The following ITPKA variants were observed in gnomAD, a reference collection of about 807,000 sequenced individuals.
ITPKA encodes the protein inositol-trisphosphate 3-kinase A, also known as IP3 3-kinase A.
A neutral mutation model predicts 40.7 loss-of-function variants in ITPKA; 16 were observed. The ratio of observed to expected loss-of-function variants is 0.39; its 90% confidence interval spans 0.27 to 0.60. The LOEUF is 0.60. Ranked by LOEUF, ITPKA falls within the 20% of genes least tolerant of loss-of-function variation. The probability of loss-of-function intolerance (pLI) is 0.50; values close to 1 mark genes in which losing one functional copy is unlikely to be tolerated. For synonymous variants in ITPKA, 313 were observed against 289.9 expected (o/e 1.08, Z -0.81); for missense variants, 540 against 649.3 (o/e 0.83, Z 1.83).
chr15:41,501,690 G>A lies in ITPKA; in HGVS notation c.642G>A (p.Pro214=). 1 of 1,610,062 alleles carries A rather than the reference G, an allele frequency of 6.2e-7. No homozygotes were observed. Residue 214 remains proline, a synonymous_variant, in exon 3 of 7, where the codon CCG becomes CCA. Coordinates refer to ENST00000260386, the MANE Select transcript of ITPKA (RefSeq NM_002220.3). ...SGLILKRCSE[P]ERYCLARLMA... ...TGATCCTGAAGCGCTGCTCGGAGCC[G>A]GAGCGCTACTGCCTGGCGCGGCTGA...
Position 41,493,932 on chromosome 15 carries a change from C to A in ITPKA, c.5C>A (p.Thr2Asn). Residue 2 changes from threonine (T) to asparagine (N), a missense_variant, in exon 1 of 7, where the codon ACC becomes AAC. Thr to Asn is a moderately conservative substitution (Grantham distance 65, BLOSUM62 0). Coordinates refer to ENST00000260386, the MANE Select transcript of ITPKA (RefSeq NM_002220.3). M[T>N]LPGGPTGMAR... ...CGGCGGCGCCGGCACTGGGAAATGA[C>A]CCTGCCCGGGGGCCCAACGGGCATG... 2 of 1,021,922 alleles carry A rather than the reference C, an allele frequency of 2.0e-6. No homozygotes were observed. Among genetic ancestry groups the A allele is most frequent in the Non-Finnish European group, 2.3e-6 (2 of 854,672 alleles). 63.3% of individuals were successfully genotyped at this position (1,021,922 alleles called of 1,614,324 possible). A position where few individuals can be genotyped will look rare whatever the true frequency, so the allele number is the denominator to read the frequency against.
chr15:41,502,808 G>A lies in ITPKA; in HGVS notation c.1131G>A (p.Leu377=), dbSNP rs781749521. The change falls in exon 6 of 7, where the codon CTG becomes CTA. Residue 377 remains leucine (L), a synonymous_variant. Coordinates refer to ENST00000260386, the MANE Select transcript of ITPKA (RefSeq NM_002220.3). ...EEVLRRYLNR[L]QQIRDTLEVS... ...TGCAGAGGCGGTATCTGAACCGCCTGCAGCAGATCCGGGACACCCTGGAGG... is the reference window on the plus strand; with the variant it reads ...TGCAGAGGCGGTATCTGAACCGCCTACAGCAGATCCGGGACACCCTGGAGG... 1.2e-6 allele frequency: 2 copies of A among 1,611,882 alleles called. No homozygotes were observed. The highest frequency in any genetic ancestry group is 8.5e-7 in the Non-Finnish European group (1 of 1,178,988).
chr15:41,494,607 G>C lies in ITPKA; in HGVS notation c.489+191G>C, dbSNP rs2051057112. Among the ~76,000 whole-genome samples the C allele has an allele frequency of 6.6e-6, 1 of 152,182 alleles. No homozygotes were observed. Among genetic ancestry groups the C allele is most frequent in the South Asian group, 2.1e-4 (1 of 4,834 alleles). ...TCTCGCCTGGGCAACTTTCACCTCG[G>C]CTCCGCCGGCGGGTCGTGGCGCTGG... On this transcript the variant is annotated intron_variant, in intron 1 of 6. Transcript: ENST00000260386. This position sits in a 1 kb window ranked among gnomAD's most constrained non-coding sequence, Gnocchi z 7.8.
chr15:41,501,540 G>T lies in ITPKA; in HGVS notation c.567G>T (p.Val189=), dbSNP rs1441549283. 5.6e-6 allele frequency: 9 copies of T among 1,604,938 alleles called. No individual in the cohort carries two copies. Among genetic ancestry groups the T allele is most frequent in the African/African-American group, 1.3e-5 (1 of 74,120 alleles). Residue 189 remains valine (V), a synonymous_variant, in exon 2 of 7, where the codon GTG becomes GTT. Transcript: ENST00000260386. ...ISPFKKRYAW[V]QLAGHTGSFK... ...CTTTCAAGAAGCGCTACGCCTGGGT[G>T]CAGCTGGCAGGGCACACTGGTGAGC...
chr15:41,496,841 T>TTTTAAAGAG (rs2051075959), intron 1 of ITPKA, among the ~76,000 whole-genome samples: 6 of 152,212 alleles, frequency 3.9e-5, no homozygotes, highest in Admixed American at 3.9e-4. Flanking sequence ...AAATTTAAAC[T>TTTTAAAGAG]GATTGCTCTT....
In ITPKA at chr15:41,502,436, C is replaced by A; in HGVS notation, c.1043C>A (p.Thr348Asn). ...ADGSCSTDFK[T>N]TRSREQVLRV... ...GGCTCCTGCAGCACCGACTTCAAGA[C>A]TACGCGAAGCCGAGAGCAGGTGCTT... is the stretch of plus-strand genomic sequence containing the variant. The change falls in exon 5 of 7, where the codon ACT becomes AAT. Residue 348 changes from threonine (T) to asparagine (N), a missense_variant. Physicochemically the swap from Thr to Asn is moderately conservative, Grantham distance 65. Transcript: ENST00000260386. The A allele has an allele frequency of 6.2e-7, 1 of 1,604,460 alleles. No homozygotes were observed. The highest frequency in any genetic ancestry group is 8.5e-7 in the Non-Finnish European group (1 of 1,172,054).
rs200665977 is a variant in ITPKA at position 41,503,135 on chromosome 15, T to C, written c.1355T>C (p.Ile452Thr). The C allele has an allele frequency of 1.4e-5, 23 of 1,593,030 alleles. No individual in the cohort carries two copies. Among genetic ancestry groups the C allele is most frequent in the South Asian group, 2.2e-5 (2 of 90,414 alleles). Reference sequence around the variant, plus strand: ...TATTTGCTGGGGCTGGACAATCTCATTGGCATCCTGGCCAGCCTGGCTGAG... The same window carrying C: ...TATTTGCTGGGGCTGGACAATCTCACTGGCATCCTGGCCAGCCTGGCTGAG... ...DGYLLGLDNLIGILASLAER is the reference protein window; with the variant it reads ...DGYLLGLDNLTGILASLAER Residue 452 changes from isoleucine (I) to threonine (T), a missense_variant, in exon 7 of 7, where the codon ATT becomes ACT. By Grantham distance (89) the Ile-to-Thr change is moderately conservative. Coordinates refer to ENST00000260386, the MANE Select transcript of ITPKA (RefSeq NM_002220.3).
intron 1 of ITPKA, among the ~76,000 whole-genome samples, chr15:41,495,349 G>A (rs1464261639): frequency 2.0e-5 from 3 of 152,328 alleles, no homozygotes; most frequent in South Asian, 4.1e-4. Flanking sequence ...GAGGCGAGGG[G>A]CGCCCCCGGC....
chr15:41,502,569 TGGCCCA>T (rs1269917251), intron 5 of ITPKA, 66 bp downstream of exon 5: 2 of 1,041,892 alleles, frequency 1.9e-6, no homozygotes, highest in African/African-American at 3.1e-5. Flanking sequence ...CCCTGTCATC[TGGCCCA>T]GTGCCCTCGG....
intron 3 of ITPKA, 46 bp downstream of exon 3, chr15:41,501,897 CG>C: frequency 6.3e-7 from 1 of 1,597,144 alleles, no homozygotes; most frequent in South Asian, 1.1e-5. Flanking sequence ...AGTAGGGGTC[CG>C]GGGCCGGGAC....
chr15:41,502,530 G>C, intron 5 of ITPKA, 27 bp downstream of exon 5: 1 of 1,351,594 alleles, frequency 7.4e-7, no homozygotes, highest in Non-Finnish European at 1.1e-6. Flanking sequence ...AAACCCTGAG[G>C]TGTTGGGGAG....
Position 41,501,668 on chromosome 15 carries a change from T to C in ITPKA, c.620T>C (p.Ile207Thr). The C allele has an allele frequency of 6.2e-7, 1 of 1,609,454 alleles. No individual in the cohort carries two copies. Among genetic ancestry groups the C allele is most frequent in the Non-Finnish European group, 8.5e-7 (1 of 1,178,450 alleles). ...SFKAAGTSGL[I>T]LKRCSEPERY... ...AAGGCGGCGGGCACCAGCGGGCTGA[T>C]CCTGAAGCGCTGCTCGGAGCCGGAG... Residue 207 changes from isoleucine to threonine, a missense_variant, in exon 3 of 7, where the codon ATC (isoleucine) becomes ACC (threonine). Physicochemically the swap from Ile to Thr is moderately conservative, Grantham distance 89. Transcript: ENST00000260386.
chr15:41,501,477 GAAGA>G lies in ITPKA; in HGVS notation c.505_508del (p.Lys169SerfsTer10). 1 of 1,607,912 alleles carries G rather than the reference GAAGA, an allele frequency of 6.2e-7. No individual in the cohort carries two copies. Among genetic ancestry groups the G allele is most frequent in the Non-Finnish European group, 8.5e-7 (1 of 1,178,174 alleles). On this transcript the variant is annotated frameshift_variant, in exon 2 of 7. Coordinates refer to ENST00000260386, the MANE Select transcript of ITPKA (RefSeq NM_002220.3). LOFTEE classifies it high-confidence loss of function. ...GTCGCTTTCAGAAAAACCACTGGCA[GAAGA>G]TCCGGACCATGGTCAATCTGCCGGT...
chr15:41,499,405 G>C (rs931060719), intron 1 of ITPKA, among the ~76,000 whole-genome samples: 6 of 152,196 alleles, frequency 3.9e-5, no homozygotes, highest in Admixed American at 3.9e-4. Flanking sequence ...GCATTTGATG[G>C]TTCGTGTTAC....
chr15:41,498,890 G>A (rs2051091591), intron 1 of ITPKA, among the ~76,000 whole-genome samples: 1 of 152,226 alleles, frequency 6.6e-6, no homozygotes, highest in African/African-American at 2.4e-5. Flanking sequence ...GGGGCAGTTG[G>A]AACTTGGGGA....
In ITPKA at chr15:41,494,411, G is replaced by A. The variant is rs142355356; in HGVS notation, c.484G>A (p.Gly162Ser). Reference protein sequence around the residue: ...NVQLEAGEDVGQKNHWQKIRT... With the variant: ...NVQLEAGEDVSQKNHWQKIRT... ...GCAGCTGGAAGCGGGCGAGGACGTGGGTCAGGTACGGGCCGCGGGGGCGGG... is the reference window on the plus strand; with the variant it reads ...GCAGCTGGAAGCGGGCGAGGACGTGAGTCAGGTACGGGCCGCGGGGGCGGG... Residue 162 changes from glycine (G) to serine (S), a missense_variant, in exon 1 of 7, where the codon GGT becomes AGT. By Grantham distance (56) the Gly-to-Ser change is moderately conservative. Coordinates refer to ENST00000260386, the MANE Select transcript of ITPKA (RefSeq NM_002220.3). The surrounding 1 kb of genome is among the most constrained non-coding windows in gnomAD (Gnocchi z 7.8). 3.4e-6 allele frequency: 5 copies of A among 1,459,662 alleles called. No homozygotes were observed. The highest frequency in any genetic ancestry group is 2.3e-5 in the Admixed American group (1 of 43,374). 90.4% of individuals were successfully genotyped at this position (1,459,662 alleles called of 1,614,324 possible).
At chr15:41,497,247 G>A (rs2051079389) in intron 1 of ITPKA, among the ~76,000 whole-genome samples, 1 of 152,174 alleles carries the variant, frequency 6.6e-6, no homozygotes, top group Non-Finnish European at 1.5e-5. Context: ...GGTAGCCTCT[G>A]GCTGTGTGTT....
intron 1 of ITPKA, among the ~76,000 whole-genome samples, chr15:41,495,163 C>T (rs2051062039): frequency 6.6e-6 from 1 of 152,254 alleles, no homozygotes; most frequent in South Asian, 2.1e-4. Flanking sequence ...AAAACACAGC[C>T]CTGGGCACTG....
At chr15:41,501,090 A>G (rs540286047) in intron 1 of ITPKA, among the ~76,000 whole-genome samples, 5 of 151,096 alleles carry the variant, frequency 3.3e-5, no homozygotes, top group African/African-American at 7.3e-5. Flanking sequence ...ATAATCTGCA[A>G]TTTTTAACAA....
Sources: gnomAD v4.1 joint callset for allele counts (sites outside exome capture counted in the v4.1 genomes callset) on GRCh38, gnomAD v4.1.1 for gene constraint, Gnocchi (gnomAD v3.1) non-coding constraint, MANE v1.5 for transcripts, NCBI Gene and HGNC (gene_info 2026-07-23, HGNC 2026-07-21) for gene names.